MEIS2: variants seen among roughly 807,000 people sequenced by gnomAD.
MEIS2 encodes homeobox protein Meis2.
A neutral mutation model predicts 58.6 loss-of-function variants in MEIS2; 9 were observed. The ratio of observed to expected loss-of-function variants is 0.15; its 90% confidence interval spans 0.09 to 0.27. The LOEUF (loss-of-function observed/expected upper bound fraction) is 0.27, where lower values mean the gene tolerates loss of function less well. Among genes scored for constraint, MEIS2 ranks in the 10% least tolerant of loss-of-function variants. MEIS2 has a pLI of 1.00. For synonymous variants in MEIS2, 221 were observed against 228.4 expected, an observed-to-expected ratio of 0.97 and a Z score of 0.29; for missense variants, 427 against 635.0, an observed-to-expected ratio of 0.67 and a Z score of 3.52.
intron 6 of MEIS2, among the ~76,000 whole-genome samples, chr15:37,087,214 C>A (rs187001466): frequency 6.6e-6 from 1 of 152,086 alleles, no homozygotes; most frequent in Non-Finnish European, 1.5e-5. Flanking sequence ...TGAAGACACC[C>A]GAGGGCAAGG....
At chr15:36,960,404 C>A (rs1294885396) in intron 8 of MEIS2, among the ~76,000 whole-genome samples, 1 of 152,028 alleles carries the variant, frequency 6.6e-6, no homozygotes, top group South Asian at 2.1e-4. Context: ...AAACTAATGA[C>A]TTCTTGTGAT....
Position 37,057,677 on chromosome 15 carries a change from C to T in MEIS2, c.755-20718G>A, listed in dbSNP as rs1158172049. On this transcript the variant is annotated intron_variant, in intron 7 of 11. Transcript: ENST00000561208. ...ATAAATAAATAAATAAATAAAGTAA[C>T]CTATTTTTTTCAAGGCTTTACTAGG... is the stretch of plus-strand genomic sequence containing the variant. 1.3e-5 allele frequency among the ~76,000 whole-genome samples: 2 copies of T among 150,252 alleles called. 1 individual carries two copies. The highest frequency in any genetic ancestry group is 4.9e-5 in the African/African-American group (2 of 40,950).
At chr15:36,920,290 C>A (rs1219982013) in intron 9 of MEIS2, among the ~76,000 whole-genome samples, 5 of 152,154 alleles carry the variant, frequency 3.3e-5, no homozygotes, top group Non-Finnish European at 7.4e-5. Context: ...GCTGGGATTA[C>A]AGGCATGCGC....
At chr15:36,963,329 G>A (rs1476564642) in intron 8 of MEIS2, among the ~76,000 whole-genome samples, 7 of 151,290 alleles carry the variant, frequency 4.6e-5, no homozygotes, top group African/African-American at 1.5e-4. Context: ...GCAGTGAGCC[G>A]CGATTGCGCC....
chr15:37,026,182 A>G (rs1217027621), intron 8 of MEIS2, among the ~76,000 whole-genome samples: 3 of 152,220 alleles, frequency 2.0e-5, no homozygotes, highest in Non-Finnish European at 2.9e-5. Flanking sequence ...GCTTTTAAAG[A>G]GAGTCCCAAT....
intron 8 of MEIS2, among the ~76,000 whole-genome samples, chr15:37,023,962 G>GGA (rs371926852): frequency 2.0e-3 from 283 of 140,344 alleles, no homozygotes; most frequent in African/African-American, 7.1e-3. Flanking sequence ...TGCCCAGGCT[G>GGA]GAGTGCAGTG....
chr15:37,040,232 A>C (rs1399298939), intron 7 of MEIS2, among the ~76,000 whole-genome samples: 1 of 152,182 alleles, frequency 6.6e-6, no homozygotes, highest in Non-Finnish European at 1.5e-5. Context: ...AGGATTCAAA[A>C]TTGTGGAATC....
rs534655173 is a variant in MEIS2, at chr15:37,009,196, A to G, written c.900+27618T>C. Among the ~76,000 whole-genome samples the G allele has an allele frequency of 6.9e-4, 105 of 152,210 alleles. 1 individual carries two copies. The highest frequency in any genetic ancestry group is 1.5e-3 in the South Asian group (7 of 4,820). On this transcript the variant is annotated intron_variant, in intron 8 of 11. Coordinates refer to ENST00000561208, the MANE Select transcript of MEIS2 (RefSeq NM_170675.5). ...CCCAGCTACTCGGGAGGCTGAGGCAAGAGAATGGCATGAACCTGGGAGGCG... is the reference window on the plus strand; with the variant it reads ...CCCAGCTACTCGGGAGGCTGAGGCAGGAGAATGGCATGAACCTGGGAGGCG...
chr15:36,930,364 C>G (rs1046542450), intron 9 of MEIS2, among the ~76,000 whole-genome samples: 6 of 151,978 alleles, frequency 3.9e-5, no homozygotes, highest in Non-Finnish European at 7.4e-5. Flanking sequence ...CAAAGAACTC[C>G]CAGTAATACC....
chr15:36,937,914 C>T (rs1312674281), intron 9 of MEIS2, among the ~76,000 whole-genome samples: 1 of 152,150 alleles, frequency 6.6e-6, no homozygotes, highest in African/African-American at 2.4e-5. Context: ...TGTAAACTTG[C>T]AAGAGGAAAG....
intron 8 of MEIS2, among the ~76,000 whole-genome samples, chr15:37,031,450 C>T (rs1030257172): frequency 5.1e-4 from 7 of 13,632 alleles, no homozygotes; most frequent in African/African-American, 1.0e-3. Flanking sequence ...TGTGTGTGTA[C>T]ATTACAATAA....
Position 36,898,347 on chromosome 15 carries a change from C to T in MEIS2, c.978-1661G>A, listed in dbSNP as rs191629093. ...GACCTGATATTTCCACCCCAGGAAC[C>T]GTTTTTATCAGCTCACCTTGAAACC... is the stretch of plus-strand genomic sequence containing the variant. On this transcript the variant is annotated intron_variant, in intron 9 of 11. Transcript: ENST00000561208. The T allele has an allele frequency of 2.6e-5, 4 of 152,322 alleles. No homozygotes were observed. In the East Asian group the frequency reaches 5.8e-4, roughly 22 times the overall value. 9.4% of individuals were successfully genotyped at this position (152,322 alleles called of 1,614,324 possible). A position where few individuals can be genotyped will look rare whatever the true frequency, so the allele number is the denominator to read the frequency against.
At chr15:37,015,497 A>G (rs1329101050) in intron 8 of MEIS2, among the ~76,000 whole-genome samples, 1 of 144,954 alleles carries the variant, frequency 6.9e-6, no homozygotes, top group Non-Finnish European at 1.5e-5. Context: ...CACACTTCTA[A>G]GGCCACCGAT....
intron 4 of MEIS2, 133 bp downstream of exon 4, chr15:37,095,431 C>T: frequency 7.2e-7 from 1 of 1,390,890 alleles, no homozygotes; most frequent in Non-Finnish European, 1.0e-6. Flanking sequence ...TAAGCTGCTC[C>T]CTTCCTCCCT....
chr15:37,010,188 C>T (rs1054615826), intron 8 of MEIS2, among the ~76,000 whole-genome samples: 14 of 150,680 alleles, frequency 9.3e-5, no homozygotes, highest in Middle Eastern at 3.6e-3. Context: ...CCTGGGTTCA[C>T]GCCATTCTCC....
At chr15:37,037,372 A>G (rs2062200468) in intron 7 of MEIS2, among the ~76,000 whole-genome samples, 1 of 152,204 alleles carries the variant, frequency 6.6e-6, no homozygotes, top group Admixed American at 6.5e-5. Context: ...TGCATAGGTG[A>G]CAGTAACTGT....
At chr15:36,920,983 G>GA (rs2057484336) in intron 9 of MEIS2, among the ~76,000 whole-genome samples, 1 of 150,994 alleles carries the variant, frequency 6.6e-6, no homozygotes, top group South Asian at 2.1e-4. Flanking sequence ...GAAGGGCCAG[G>GA]AAAAAACAAA....
At chr15:36,895,075 A>T in intron 11 of MEIS2, 76 bp downstream of exon 11, 1 of 1,224,906 alleles carries the variant, frequency 8.2e-7, no homozygotes, top group Non-Finnish European at 1.2e-6. Flanking sequence ...ACAGTGGGAT[A>T]GTAGAGTGGA....
chr15:37,016,762 G>A (rs901807993), intron 8 of MEIS2, among the ~76,000 whole-genome samples: 6 of 152,164 alleles, frequency 3.9e-5, no homozygotes, highest in Non-Finnish European at 8.8e-5. Flanking sequence ...TACAGCTTAG[G>A]AATCATTTTA....
Sources: allele counts gnomAD v4.1 joint callset (sites outside exome capture counted in the v4.1 genomes callset), GRCh38; gene constraint gnomAD v4.1.1; transcripts MANE v1.5; gene names NCBI Gene and HGNC (gene_info 2026-07-23, HGNC 2026-07-21).